The following THSD7A variants were observed in gnomAD, a reference collection of about 807,000 sequenced individuals.
THSD7A encodes thrombospondin type-1 domain-containing protein 7A.
THSD7A carries 96 observed loss-of-function variants against 231.3 expected under a neutral mutation model. That is an observed-to-expected ratio of 0.41 (90% CI 0.35 to 0.49). The LOEUF is 0.49. Ranked by LOEUF, THSD7A falls within the 20% of genes least tolerant of loss-of-function variation. The probability of loss-of-function intolerance (pLI) is 0.05; values close to 1 mark genes in which losing one functional copy is unlikely to be tolerated. For missense variants in THSD7A, 2,290 were observed against 2,070.2 expected, an observed-to-expected ratio of 1.11 and a Z score of -2.06; for synonymous variants, 940 against 743.3, an observed-to-expected ratio of 1.26 and a Z score of -4.30.
At chr7:11,397,974 T>C (rs1783253529) in intron 23 of THSD7A, among the ~76,000 whole-genome samples, 1 of 152,194 alleles carries the variant, frequency 6.6e-6, no homozygotes, top group Non-Finnish European at 1.5e-5. Flanking sequence ...AGTTCAACCA[T>C]TGTGGAACAC....
At chr7:11,473,482 A>AC (rs1786018926) in intron 8 of THSD7A, among the ~76,000 whole-genome samples, 1 of 152,120 alleles carries the variant, frequency 6.6e-6, no homozygotes, top group Admixed American at 6.6e-5. Flanking sequence ...CCACTTTTAA[A>AC]CCCATGCAAA....
intron 1 of THSD7A, chr7:11,820,353 T>A: frequency 1.8e-6 from 2 of 1,089,932 alleles, no homozygotes; most frequent in Non-Finnish European, 2.5e-6. Context: ...CCTTCTCTTC[T>A]CTGTTCTCTG....
At chr7:11,560,872 G>T (rs960766993) in intron 4 of THSD7A, among the ~76,000 whole-genome samples, 1 of 151,958 alleles carries the variant, frequency 6.6e-6, no homozygotes, top group Non-Finnish European at 1.5e-5. Context: ...TTTAGAAGAG[G>T]GTTTCCACTT....
At chr7:11,788,198 G>T (rs1338059542) in intron 1 of THSD7A, among the ~76,000 whole-genome samples, 1 of 152,018 alleles carries the variant, frequency 6.6e-6, no homozygotes, top group African/African-American at 2.4e-5. Context: ...TCTCTTGCCT[G>T]TATCACAGCA....
At chr7:11,597,676 C>G (rs189771245) in intron 2 of THSD7A, among the ~76,000 whole-genome samples, 1 of 152,146 alleles carries the variant, frequency 6.6e-6, no homozygotes, top group East Asian at 1.9e-4. Flanking sequence ...GGAAATTGAA[C>G]GTTTGATTAT....
chr7:11,562,644 A>G (rs1055624455), intron 4 of THSD7A, among the ~76,000 whole-genome samples: 2 of 152,234 alleles, frequency 1.3e-5, no homozygotes, highest in Non-Finnish European at 2.9e-5. Context: ...TTATTACTAA[A>G]TATAAGGATG....
intron 1 of THSD7A, among the ~76,000 whole-genome samples, chr7:11,803,704 T>G (rs1784335186): frequency 6.6e-6 from 1 of 152,168 alleles, no homozygotes; most frequent in Admixed American, 6.5e-5. Flanking sequence ...GAATCTTTAA[T>G]TCTATGTATT....
At chr7:11,737,528 C>T (rs1781958058) in intron 1 of THSD7A, among the ~76,000 whole-genome samples, 1 of 151,978 alleles carries the variant, frequency 6.6e-6, no homozygotes, top group Non-Finnish European at 1.5e-5. Flanking sequence ...AGATATTTTA[C>T]AGAAACTCTG....
chr7:11,818,800 G>A (rs751368973), intron 1 of THSD7A, among the ~76,000 whole-genome samples: 26 of 152,038 alleles, frequency 1.7e-4, no homozygotes, highest in Non-Finnish European at 2.8e-4. Context: ...CATTCATCAC[G>A]CCCAGGATAC....
intron 1 of THSD7A, among the ~76,000 whole-genome samples, chr7:11,653,683 C>T (rs1233682750): frequency 6.6e-6 from 1 of 151,706 alleles, no homozygotes; most frequent in East Asian, 1.9e-4. Context: ...TTGAGTAGGC[C>T]AGCCAGCAAT....
intron 1 of THSD7A, among the ~76,000 whole-genome samples, chr7:11,751,695 C>T (rs1289864133): frequency 1.3e-5 from 2 of 151,858 alleles, no homozygotes; most frequent in African/African-American, 4.8e-5. Flanking sequence ...AAAATGTAAG[C>T]TTATGCAAAG....
At chr7:11,693,176 T>G (rs1780287059) in intron 1 of THSD7A, among the ~76,000 whole-genome samples, 2 of 151,576 alleles carry the variant, frequency 1.3e-5, no homozygotes, top group Admixed American at 1.3e-4. Context: ...AATAGTAGAA[T>G]TGCATTTTGA....
At chr7:11,479,417 T>A (rs543726108) in intron 7 of THSD7A, among the ~76,000 whole-genome samples, 1 of 152,336 alleles carries the variant, frequency 6.6e-6, no homozygotes, top group South Asian at 2.1e-4. Context: ...CATATATCAT[T>A]TCTCAAATGT....
chr7:11,376,766 C>T (rs963796045), intron 26 of THSD7A, 109 bp from the exon 27 acceptor site: 26 of 640,298 alleles, frequency 4.1e-5, no homozygotes, highest in African/African-American at 4.1e-4. Flanking sequence ...TTTCAAAACC[C>T]GAAAAGAATT....
intron 15 of THSD7A, 119 bp from the exon 16 acceptor site, chr7:11,424,948 G>A: frequency 8.2e-7 from 1 of 1,216,916 alleles, no homozygotes; most frequent in South Asian, 1.5e-5. Context: ...CTCCTTTACT[G>A]CTTATTATTC....
intron 8 of THSD7A, among the ~76,000 whole-genome samples, chr7:11,473,854 C>T (rs901224309): frequency 6.6e-6 from 1 of 152,064 alleles, no homozygotes; most frequent in Non-Finnish European, 1.5e-5. Flanking sequence ...CATTGAAAGA[C>T]GCAGTAAGTA....
intron 2 of THSD7A, among the ~76,000 whole-genome samples, chr7:11,600,230 T>C (rs952898616): frequency 1.3e-5 from 2 of 152,200 alleles, no homozygotes; most frequent in Admixed American, 1.3e-4. Flanking sequence ...TTCTTTTTAA[T>C]ATCACTTGAA....
intron 4 of THSD7A, among the ~76,000 whole-genome samples, chr7:11,565,458 T>C (rs944924837): frequency 6.6e-6 from 1 of 152,194 alleles, no homozygotes; most frequent in African/African-American, 2.4e-5. Context: ...GAAGAATTGA[T>C]TGTGCAGGGC....
intron 1 of THSD7A, among the ~76,000 whole-genome samples, chr7:11,692,822 T>C (rs1051531485): frequency 6.6e-6 from 1 of 151,520 alleles, no homozygotes; most frequent in African/African-American, 2.4e-5. Context: ...TTACTAAAAA[T>C]AATAATTATA....
Sources: allele counts gnomAD v4.1 joint callset (sites outside exome capture counted in the v4.1 genomes callset), GRCh38; gene constraint gnomAD v4.1.1; transcripts MANE v1.5; gene names NCBI Gene and HGNC (gene_info 2026-07-23, HGNC 2026-07-21).